CD46: variants seen among roughly 807,000 people sequenced by gnomAD.
The protein encoded by CD46 is membrane cofactor protein.
Under a neutral mutation model 53.3 loss-of-function variants are expected in CD46, and 30 were observed. The observed-to-expected ratio is 0.56, with a 90% CI of 0.42 to 0.76. CD46 has a LOEUF of 0.76. CD46 is among the 30% of genes least tolerant of loss of function. The pLI, the probability that CD46 is intolerant of heterozygous loss-of-function variation, is 0.00. For missense variants in CD46, 409 were observed against 463.0 expected, an observed-to-expected ratio of 0.88 and a Z score of 1.07; for synonymous variants, 142 against 152.0, an observed-to-expected ratio of 0.93 and a Z score of 0.48.
intron 8 of CD46, among the ~76,000 whole-genome samples, chr1:207,782,874 C>G (rs942912071): frequency 2.0e-5 from 3 of 150,036 alleles, no homozygotes; most frequent in Non-Finnish European, 4.4e-5. Context: ...AGGATGGTCT[C>G]GAACTCCTGA....
chr1:207,795,014 A>G lies in CD46; in HGVS notation c.*1537A>G, dbSNP rs1660129368. On this transcript the variant is annotated 3_prime_UTR_variant, in exon 13 of 13. Coordinates refer to ENST00000367042, the MANE Select transcript of CD46 (RefSeq NM_172351.3). Reference sequence around the variant, plus strand: ...TTCCTTTCCTTTGTAGTCTCTGGCAAGATGCTTTAGGAAGATAAAAGTTTG... The same window carrying G: ...TTCCTTTCCTTTGTAGTCTCTGGCAGGATGCTTTAGGAAGATAAAAGTTTG... The G allele has an allele frequency of 6.6e-6, 1 of 152,250 alleles. No individual in the cohort carries two copies. The highest frequency in any genetic ancestry group is 1.5e-5 in the Non-Finnish European group (1 of 68,040). The allele number at this position is 152,250 out of a possible 1,614,324, so 9.4% of individuals were successfully genotyped here.
Position 207,757,538 on chromosome 1 carries a change from A to G in CD46, c.287-2A>G, listed in dbSNP as rs759813089. The G allele has an allele frequency of 5.7e-6, 9 of 1,575,660 alleles. No homozygotes were observed. The Admixed American group carries it at 8.4e-5, about 15-fold the overall frequency. ...AAAACTATCAAAATTATTTTCTTTC[A>G]GGAGAAACATGTCCATATATACGGG... On this transcript the variant is annotated splice_acceptor_variant, in intron 2 of 12. Coordinates refer to ENST00000367042, the MANE Select transcript of CD46 (RefSeq NM_172351.3). LOFTEE classifies it high-confidence loss of function.
At chr1:207,767,941 G>A (rs1416285858) in intron 7 of CD46, 118 bp downstream of exon 7, 1 of 838,942 alleles carries the variant, frequency 1.2e-6, no homozygotes, top group South Asian at 1.4e-5. Flanking sequence ...AAGGAGGGAG[G>A]ACATTTGTAT....
intron 8 of CD46, among the ~76,000 whole-genome samples, chr1:207,774,564 G>A (rs550602961): frequency 8.5e-5 from 13 of 152,286 alleles, no homozygotes; most frequent in African/African-American, 3.1e-4. Context: ...AGGAGCTCTT[G>A]TAAGGCAGGC....
In CD46 at chr1:207,757,150, T is replaced by G; in HGVS notation, c.234T>G (p.Thr78=). 1 of 1,613,978 alleles carries G rather than the reference T, an allele frequency of 6.2e-7. No homozygotes were observed. The highest frequency in any genetic ancestry group is 8.5e-7 in the Non-Finnish European group (1 of 1,179,918). ...YFYIPPLATH[T]ICDRNHTWLP... ...ATATACCTCCTCTTGCCACCCATAC[T>G]ATTTGTGATCGGAATCATACATGGC... is the stretch of plus-strand genomic sequence containing the variant. The change falls in exon 2 of 13, where the codon ACT becomes ACG. Residue 78 remains threonine, a synonymous_variant. Coordinates refer to ENST00000367042, the MANE Select transcript of CD46 (RefSeq NM_172351.3).
At chr1:207,781,660 AC>A (rs1417426971) in intron 8 of CD46, among the ~76,000 whole-genome samples, 1 of 152,120 alleles carries the variant, frequency 6.6e-6, no homozygotes, top group Non-Finnish European at 1.5e-5. Context: ...TTTTACCAGC[AC>A]CATTTGTAGA....
intron 8 of CD46, among the ~76,000 whole-genome samples, chr1:207,778,838 T>G (rs1328554490): frequency 6.6e-6 from 1 of 152,226 alleles, no homozygotes; most frequent in Non-Finnish European, 1.5e-5. Flanking sequence ...GTTGGTAGTT[T>G]GATAGGAATA....
At chr1:207,770,297 A>G in intron 7 of CD46, 24 bp from the exon 8 acceptor site, 2 of 1,565,254 alleles carry the variant, frequency 1.3e-6, no homozygotes, top group East Asian at 2.2e-5. Context: ...TGGTGAATTT[A>G]TAAAATCAAA....
chr1:207,763,848 G>GTTTT (rs10661265), intron 5 of CD46, among the ~76,000 whole-genome samples: 7 of 139,760 alleles, frequency 5.0e-5, no homozygotes, highest in Non-Finnish European at 7.7e-5. Flanking sequence ...TGATTTTTTG[G>GTTTT]TTTTTTTTTT....
rs1467611445 is a variant in CD46 at position 207,761,300 on chromosome 1, G to C, written c.527G>C (p.Ser176Thr). 6.2e-7 allele frequency: 1 copy of C among 1,613,306 alleles called. No individual in the cohort carries two copies. Among genetic ancestry groups the C allele is most frequent in the Admixed American group, 1.7e-5 (1 of 59,984 alleles). Residue 176 changes from serine to threonine, a missense_variant, in exon 5 of 13, where the codon AGT becomes ACT. Physicochemically the swap from Ser to Thr is moderately conservative, Grantham distance 58. Transcript: ENST00000367042. Reference sequence around the variant, plus strand: ...ATAAAAAATGGAAAACACACCTTTAGTGAAGTAGAAGTATTTGAGTATCTT... The same window carrying C: ...ATAAAAAATGGAAAACACACCTTTACTGAAGTAGAAGTATTTGAGTATCTT... ...PKIKNGKHTF[S>T]EVEVFEYLDA...
chr1:207,792,212 G>C (rs1659858281), intron 12 of CD46, among the ~76,000 whole-genome samples: 1 of 152,064 alleles, frequency 6.6e-6, no homozygotes, highest in African/African-American at 2.4e-5. Flanking sequence ...GGAGGAGGAG[G>C]TTGCAAGTGA....
At position 207,752,356 on chromosome 1, in the gene CD46, C is replaced by G. The variant is rs147091232; in HGVS notation, c.97+47C>G. The G allele has an allele frequency of 6.4e-7, 1 of 1,558,310 alleles. No homozygotes were observed. The highest frequency in any genetic ancestry group is 2.2e-5 in the East Asian group (1 of 44,612). The stretch of plus-strand genomic sequence containing the variant: ...GCGCGTCCGCGGCGAGACTAGAGCT[C>G]TCCTCAGTCGGGCAAGAGTCGCGGG... On this transcript the variant is annotated intron_variant, in intron 1 of 12. Coordinates refer to ENST00000367042, the MANE Select transcript of CD46 (RefSeq NM_172351.3). This position sits in a 1 kb window ranked among gnomAD's most constrained non-coding sequence, Gnocchi z 4.1.
At chr1:207,776,009 G>A (rs1332620458) in intron 8 of CD46, among the ~76,000 whole-genome samples, 4 of 152,192 alleles carry the variant, frequency 2.6e-5, no homozygotes, top group South Asian at 2.1e-4. Flanking sequence ...ACTGAGCTGC[G>A]GTGGGCTCCT....
intron 7 of CD46, chr1:207,768,396 C>T (rs2488255): frequency 0.61 from 92,907 of 152,636 alleles, 28,674 homozygotes; most frequent in East Asian, 0.91. Context: ...TCTTTCATTT[C>T]CTGGAATGCA....
At chr1:207,782,822 T>G (rs1320196305) in intron 8 of CD46, among the ~76,000 whole-genome samples, 11 of 147,032 alleles carry the variant, frequency 7.5e-5, no homozygotes, top group Admixed American at 2.7e-4. Context: ...TAATTTTTGT[T>G]TTTTTTTTTT....
At chr1:207,763,812 G>T (rs1656516939) in intron 5 of CD46, among the ~76,000 whole-genome samples, 2 of 144,626 alleles carry the variant, frequency 1.4e-5, no homozygotes, top group African/African-American at 2.6e-5. Flanking sequence ...TCCTTGCATT[G>T]TTAACAAGTC....
chr1:207,783,086 AAGAT>A (rs1658932572), intron 8 of CD46, among the ~76,000 whole-genome samples: 1 of 152,130 alleles, frequency 6.6e-6, no homozygotes. Context: ...AGGAAGAAGA[AAGAT>A]TATGACATTA....
chr1:207,752,159 C>A lies in CD46; in HGVS notation c.-54C>A. On this transcript the variant is annotated 5_prime_UTR_variant, in exon 1 of 13. Transcript: ENST00000367042. This position sits in a 1 kb window ranked among gnomAD's most constrained non-coding sequence, Gnocchi z 4.1. ...AGAAGGGACTTCCCTGCTCGGCTGG[C>A]TCTCGGTTTCTCTGCTTTCCTCCGG... 1 of 1,534,818 alleles carries A rather than the reference C, an allele frequency of 6.5e-7. No individual in the cohort carries two copies. Among genetic ancestry groups the A allele is most frequent in the Non-Finnish European group, 9.0e-7 (1 of 1,112,666 alleles).
Position 207,790,250 on chromosome 1 carries a change from C to T in CD46, c.1083-3C>T. The T allele has an allele frequency of 2.6e-6, 4 of 1,516,080 alleles. No homozygotes were observed. The highest frequency in any genetic ancestry group is 2.8e-6 in the Non-Finnish European group (3 of 1,090,904). The allele number at this position is 1,516,080 out of a possible 1,614,324, so 93.9% of individuals were successfully genotyped here. ...TTCAGCCGTTTTCTCTTCCTCTGTT[C>T]AGCACATACCTAACTGATGAGACCC... On this transcript the variant is annotated splice_polypyrimidine_tract_variant and splice_region_variant and intron_variant, in intron 11 of 12. Coordinates refer to ENST00000367042, the MANE Select transcript of CD46 (RefSeq NM_172351.3).
Sources: gnomAD v4.1 joint callset for allele counts (sites outside exome capture counted in the v4.1 genomes callset) on GRCh38, gnomAD v4.1.1 for gene constraint, Gnocchi (gnomAD v3.1) non-coding constraint, MANE v1.5 for transcripts, NCBI Gene and HGNC (gene_info 2026-07-23, HGNC 2026-07-21) for gene names.